Variants in CFAP52 observed in about 807,000 individuals in gnomAD.
CFAP52 encodes cilia and flagella associated protein 52, also known as cilia- and flagella-associated protein 52.
Under a neutral mutation model 70.5 loss-of-function variants are expected in CFAP52, and 57 were observed. The ratio of observed to expected loss-of-function variants is 0.81; its 90% CI spans 0.65 to 1.01. The LOEUF is 1.01. Ranked by LOEUF, CFAP52 falls within the 50% of genes least tolerant of loss-of-function variation. The pLI is 0.00. For missense variants in CFAP52, 785 were observed against 788.5 expected (o/e 1.00, Z 0.05); for synonymous variants, 267 against 292.5 (o/e 0.91, Z 0.89).
At chr17:9,601,581 A>ATTCC (rs1406806075) in intron 6 of CFAP52, among the ~76,000 whole-genome samples, 6 of 152,178 alleles carry the variant, frequency 3.9e-5, no homozygotes, top group African/African-American at 1.2e-4. Context: ...TACTTTACTA[A>ATTCC]CTAGATCTTA....
At chr17:9,622,784 C>T (rs1300312855) in intron 8 of CFAP52, among the ~76,000 whole-genome samples, 3 of 152,084 alleles carry the variant, frequency 2.0e-5, no homozygotes, top group Admixed American at 2.0e-4. Flanking sequence ...ATGACTACCA[C>T]CCTGGTAAAG....
At chr17:9,622,911 A>C (rs1910103536) in intron 8 of CFAP52, among the ~76,000 whole-genome samples, 1 of 152,116 alleles carries the variant, frequency 6.6e-6, no homozygotes, top group Non-Finnish European at 1.5e-5. Context: ...ACTTTATGTA[A>C]ATAGAATATT....
At chr17:9,598,452 G>A (rs1003567521) in intron 5 of CFAP52, 119 bp downstream of exon 5, 1 of 739,250 alleles carries the variant, frequency 1.4e-6, no homozygotes, top group African/African-American at 1.8e-5. Flanking sequence ...TATAGACATA[G>A]GGGATGTTGA....
chr17:9,608,975 G>A (rs1909615073), intron 7 of CFAP52, among the ~76,000 whole-genome samples: 1 of 152,206 alleles, frequency 6.6e-6, no homozygotes, highest in African/African-American at 2.4e-5. Flanking sequence ...GAATGTTGTA[G>A]AGATCAGAGA....
chr17:9,644,318 TG>T (rs112807007), downstream of CFAP52, among the ~76,000 whole-genome samples: 1,977 of 152,310 alleles, frequency 0.013, 50 homozygotes, highest in African/African-American at 0.045. Flanking sequence ...TTGGCCAGGC[TG>T]GTCTTGAACT....
intron 1 of CFAP52, chr17:9,584,442 T>C: frequency 8.7e-7 from 1 of 1,147,666 alleles, no homozygotes; most frequent in East Asian, 5.9e-5. Context: ...ATACTTGACA[T>C]ATTAAGGTTG....
intron 7 of CFAP52, among the ~76,000 whole-genome samples, 167 bp from the exon 8 acceptor site, chr17:9,612,142 G>C (rs758309454): frequency 6.6e-6 from 1 of 152,150 alleles, no homozygotes. Flanking sequence ...TTTGCTGTTC[G>C]TGGGTACACC....
rs188788396 is a variant in CFAP52, at chr17:9,612,551, A to C, written c.1025+72A>C. The C allele has an allele frequency of 4.5e-4, 660 of 1,471,498 alleles. 1 individual carries two copies. The highest frequency in any genetic ancestry group is 1.3e-4 in the Non-Finnish European group (141 of 1,092,220). 91.2% of individuals were successfully genotyped at this position (1,471,498 alleles called of 1,614,324 possible). ...CCAGGGCATTTAATTTTATGAATGC[A>C]TTTTCAATATTAATGAACATAGTTA... On this transcript the variant is annotated intron_variant, in intron 8 of 13. Coordinates refer to ENST00000352665, the MANE Select transcript of CFAP52 (RefSeq NM_145054.5).
rs564451235 is a variant in CFAP52 at position 9,627,375 on chromosome 17, G to A, written c.1026-1297G>A. Among the ~76,000 whole-genome samples the A allele has an allele frequency of 3.6e-3, 555 of 152,242 alleles. 5 individuals carry two copies. Among genetic ancestry groups the A allele is most frequent in the African/African-American group, 0.013 (537 of 41,526 alleles). On this transcript the variant is annotated intron_variant, in intron 8 of 13. Coordinates refer to ENST00000352665, the MANE Select transcript of CFAP52 (RefSeq NM_145054.5). ...AAATACAAAAAATTAGCCAGACATG[G>A]TGGCACATGCCTGTAATCCCAGCTA...
chr17:9,584,088 C>A, intron 1 of CFAP52: 1 of 644,270 alleles, frequency 1.6e-6, no homozygotes, highest in Non-Finnish European at 2.1e-6. Context: ...TATGTTGGGG[C>A]CTTCTGCAGA....
chr17:9,631,067 A>AG (rs1910506517), intron 9 of CFAP52, among the ~76,000 whole-genome samples: 1 of 126,734 alleles, frequency 7.9e-6, no homozygotes, highest in Non-Finnish European at 1.6e-5. Flanking sequence ...AGAAAGAAAG[A>AG]AAGAAAGAAA....
At chr17:9,635,704 T>C (rs1910744659) in intron 11 of CFAP52, 148 bp downstream of exon 11, 3 of 1,054,550 alleles carry the variant, frequency 2.8e-6, no homozygotes, top group African/African-American at 1.6e-5. Flanking sequence ...AAGCCGTTCA[T>C]GACGGTCCAT....
chr17:9,606,440 ATGCTGATG>A (rs1909492439), intron 6 of CFAP52, among the ~76,000 whole-genome samples: 1 of 152,164 alleles, frequency 6.6e-6, no homozygotes, highest in Non-Finnish European at 1.5e-5. Context: ...CTGTCAATAA[ATGCTGATG>A]TGTCAGACAT....
chr17:9,631,082 G>GAAAGAA (rs56818169), intron 9 of CFAP52, among the ~76,000 whole-genome samples: 1,536 of 47,914 alleles, frequency 0.032, 63 homozygotes, highest in Non-Finnish European at 0.043. Flanking sequence ...AAGAAAGAAA[G>GAAAGAA]AGAAAGAAAG....
At chr17:9,580,575 G>A (rs914479482) in intron 1 of CFAP52, among the ~76,000 whole-genome samples, 3 of 151,862 alleles carry the variant, frequency 2.0e-5, no homozygotes, top group African/African-American at 7.3e-5. Context: ...TGTAGTCCCA[G>A]CTATTCGAGA....
At chr17:9,582,842 G>A (rs964762490) in intron 1 of CFAP52, among the ~76,000 whole-genome samples, 1 of 152,138 alleles carries the variant, frequency 6.6e-6, no homozygotes, top group African/African-American at 2.4e-5. Flanking sequence ...TCGCCATATT[G>A]GCTAGGCTGG....
intron 12 of CFAP52, among the ~76,000 whole-genome samples, chr17:9,640,715 C>T (rs1216621329): frequency 6.6e-6 from 1 of 152,100 alleles, no homozygotes; most frequent in Non-Finnish European, 1.5e-5. Context: ...CTCACTGCAA[C>T]CTCCTACAAC....
chr17:9,645,430 T>C (rs572410835), downstream of CFAP52: 1,139 of 341,918 alleles, frequency 3.3e-3, 13 homozygotes, highest in African/African-American at 0.023. This position sits in a 1 kb window ranked among gnomAD's most constrained non-coding sequence, Gnocchi z 6.8. Flanking sequence ...GGCCCGGCGC[T>C]GCCCTGGAGG....
chr17:9,615,622 T>A (rs1297165173), intron 8 of CFAP52, among the ~76,000 whole-genome samples: 1 of 129,026 alleles, frequency 7.8e-6, no homozygotes, highest in Non-Finnish European at 1.7e-5. Context: ...CCTTGAATTG[T>A]TTTTTTTTCT....
Sources: gnomAD v4.1 joint callset for allele counts (sites outside exome capture counted in the v4.1 genomes callset) on GRCh38, gnomAD v4.1.1 for gene constraint, Gnocchi (gnomAD v3.1) non-coding constraint, MANE v1.5 for transcripts, NCBI Gene and HGNC (gene_info 2026-07-23, HGNC 2026-07-21) for gene names.